Variants in KLRG1 observed in about 807,000 individuals in gnomAD.
KLRG1 encodes killer cell lectin-like receptor subfamily G member 1.
Under a neutral mutation model 21.8 loss-of-function variants are expected in KLRG1, and 16 were observed. The ratio of observed to expected loss-of-function variants is 0.73; its 90% confidence interval spans 0.50 to 1.11. The LOEUF (loss-of-function observed/expected upper bound fraction) is 1.11. Ranked by LOEUF, KLRG1 falls within the 50% of genes most tolerant of loss-of-function variation. The pLI is 0.00. For synonymous variants in KLRG1, 69 were observed against 75.9 expected (o/e 0.91, Z 0.47); for missense variants, 173 against 218.3 (o/e 0.79, Z 1.31).
chr12:9,149,506 C>T, the KLRG1 span: 2 of 1,506,398 alleles, frequency 1.3e-6, no homozygotes, highest in African/African-American at 1.4e-5. Flanking sequence ...TTGCAGGGGC[C>T]CTTGGAGAGT....
At chr12:9,173,094 A>G in the KLRG1 span, among the ~76,000 whole-genome samples, 1 of 152,252 alleles carries the variant, frequency 6.6e-6, no homozygotes, top group Non-Finnish European at 1.5e-5. Context: ...ACTCCTCAGC[A>G]AATGCACAAG....
At chr12:9,013,612 A>G (rs1200973932), downstream of KLRG1, among the ~76,000 whole-genome samples, 1 of 152,190 alleles carries the variant, frequency 6.6e-6, no homozygotes, top group Non-Finnish European at 1.5e-5. Flanking sequence ...GGTGAAAGGC[A>G]CATCTCACGT....
chr12:9,009,310 G>A, intron 4 of KLRG1, 116 bp from the exon 5 acceptor site: 1 of 1,299,420 alleles, frequency 7.7e-7, no homozygotes, highest in Non-Finnish European at 1.0e-6. Flanking sequence ...GCTGTTTGGG[G>A]GAATTAGGGG....
the KLRG1 span, among the ~76,000 whole-genome samples, chr12:9,210,335 C>A: frequency 0.63 from 96,382 of 151,982 alleles, 30,922 homozygotes; most frequent in Admixed American, 0.71. Context: ...CATTTGAATT[C>A]TACCATCAGT....
chr12:9,180,907 A>C, the KLRG1 span: 1 of 1,484,610 alleles, frequency 6.7e-7, no homozygotes, highest in Non-Finnish European at 9.0e-7. Flanking sequence ...CTCATCTGAC[A>C]AAGGGCTAAT....
intron 1 of KLRG1, among the ~76,000 whole-genome samples, chr12:8,991,265 T>A (rs1946956537): frequency 6.6e-6 from 1 of 151,006 alleles, no homozygotes; most frequent in Non-Finnish European, 1.5e-5. Context: ...ACTTCCATTT[T>A]TCAAATTTAA....
At chr12:9,091,301 T>C in the KLRG1 span, 1 of 1,614,148 alleles carries the variant, frequency 6.2e-7, no homozygotes, top group East Asian at 2.2e-5. Context: ...AAAGAAGGGC[T>C]GGAAGGCTCG....
chr12:8,985,079 C>T (rs926895611), upstream of KLRG1, among the ~76,000 whole-genome samples: 14 of 151,786 alleles, frequency 9.2e-5, no homozygotes, highest in East Asian at 3.9e-4. Context: ...CACTAATGCT[C>T]TTTTTGCTGT....
At chr12:9,201,447 G>A in the KLRG1 span, 1 of 895,392 alleles carries the variant, frequency 1.1e-6, no homozygotes, top group Non-Finnish European at 1.7e-6. Context: ...AATATTATCT[G>A]TAGCTAAATT....
chr12:9,034,690 G>A, the KLRG1 span, among the ~76,000 whole-genome samples: 5 of 152,144 alleles, frequency 3.3e-5, no homozygotes, highest in South Asian at 2.1e-4. Context: ...CAGATGATCC[G>A]CCCGCCTCGG....
At chr12:9,115,723 G>C in the KLRG1 span, 3 of 1,460,732 alleles carry the variant, frequency 2.1e-6, no homozygotes, top group South Asian at 3.4e-5. Context: ...ATAAATGAAG[G>C]ACTCTAGGTT....
At chr12:9,077,573 T>A in the KLRG1 span, 1 of 1,497,384 alleles carries the variant, frequency 6.7e-7, no homozygotes, top group Non-Finnish European at 9.1e-7. Context: ...ATCCCCTCTT[T>A]TTTGGTGCCA....
At chr12:9,150,034 T>G in the KLRG1 span, among the ~76,000 whole-genome samples, 2 of 152,348 alleles carry the variant, frequency 1.3e-5, no homozygotes, top group African/African-American at 4.8e-5. Context: ...TTCTTCCTGT[T>G]TGTTCTTCCT....
chr12:9,149,084 T>A, the KLRG1 span: 1 of 1,209,044 alleles, frequency 8.3e-7, no homozygotes, highest in Non-Finnish European at 1.2e-6. Context: ...TTATGCAGGG[T>A]CAGGAAACTT....
chr12:9,160,115 C>G, the KLRG1 span: 2 of 1,283,734 alleles, frequency 1.6e-6, no homozygotes, highest in South Asian at 2.6e-5. Context: ...GCGCCATGGA[C>G]ATTTTATGAC....
At chr12:9,075,563 C>T in the KLRG1 span, among the ~76,000 whole-genome samples, 2 of 152,008 alleles carry the variant, frequency 1.3e-5, no homozygotes, top group Non-Finnish European at 2.9e-5. Context: ...GTATAGGGGT[C>T]TTCATCAACA....
At chr12:8,973,719 A>G (rs1025417953) in intron 1 of KLRG1, among the ~76,000 whole-genome samples, 2 of 152,132 alleles carry the variant, frequency 1.3e-5, no homozygotes, top group African/African-American at 4.8e-5. Context: ...GTCTTATTTA[A>G]TTTCCTTCAT....
At chr12:8,951,440 G>A (rs1946202774) in intron 1 of KLRG1, among the ~76,000 whole-genome samples, 1 of 152,220 alleles carries the variant, frequency 6.6e-6, no homozygotes, top group South Asian at 2.1e-4. Context: ...CTACCCTCCA[G>A]CCTTGGTGAT....
the KLRG1 span, among the ~76,000 whole-genome samples, chr12:9,178,642 C>A: frequency 6.6e-6 from 1 of 152,186 alleles, no homozygotes; most frequent in Admixed American, 6.5e-5. Flanking sequence ...TGTCACATCT[C>A]AAACTACAAA....
Sources: gnomAD v4.1 joint callset for allele counts (sites outside exome capture counted in the v4.1 genomes callset) on GRCh38, gnomAD v4.1.1 for gene constraint, MANE v1.5 for transcripts, NCBI Gene and HGNC (gene_info 2026-07-23, HGNC 2026-07-21) for gene names.